KIAA1217: variants seen among roughly 807,000 people sequenced by gnomAD.
KIAA1217 encodes KIAA1217.
KIAA1217 carries 88 observed loss-of-function variants against 163.9 expected under a neutral mutation model. That is an observed-to-expected ratio of 0.54 (90% CI 0.45 to 0.64). The LOEUF (loss-of-function observed/expected upper bound fraction) is 0.64, where lower values mean the gene tolerates loss of function less well. KIAA1217 is among the 30% of genes least tolerant of loss of function. The pLI is 0.00. For missense variants in KIAA1217, 2,372 were observed against 2,475.0 expected (o/e 0.96, Z 0.88); for synonymous variants, 903 against 923.1 (o/e 0.98, Z 0.39).
chr10:23,895,995 G>A (rs1191147574), intron 1 of KIAA1217, among the ~76,000 whole-genome samples: 6 of 122,196 alleles, frequency 4.9e-5, no homozygotes. Context: ...ACTGTTGTGG[G>A]GTGGGGGGAG....
intron 2 of KIAA1217, among the ~76,000 whole-genome samples, chr10:24,221,309 G>A (rs2069615429): frequency 6.9e-6 from 1 of 145,374 alleles, no homozygotes; most frequent in Non-Finnish European, 1.5e-5. Context: ...TGACCTTTGT[G>A]TATGGAGAAT....
At chr10:24,492,455 G>A (rs574835612) in intron 6 of KIAA1217, among the ~76,000 whole-genome samples, 26 of 152,152 alleles carry the variant, frequency 1.7e-4, no homozygotes, top group Non-Finnish European at 3.5e-4. Flanking sequence ...CACACTCACC[G>A]TTTGAGATTT....
intron 2 of KIAA1217, among the ~76,000 whole-genome samples, chr10:24,031,851 G>A (rs953594361): frequency 6.6e-6 from 1 of 152,168 alleles, no homozygotes. Context: ...CCTTACTCAA[G>A]CTCCATCAAA....
At chr10:24,481,628 G>A (rs2064714559) in intron 6 of KIAA1217, 1 of 152,148 alleles carries the variant, frequency 6.6e-6, no homozygotes, top group East Asian at 1.9e-4. Context: ...TGGGCCAGCT[G>A]GAAATCCAAC....
intron 2 of KIAA1217, among the ~76,000 whole-genome samples, chr10:24,116,405 T>C (rs928321664): frequency 2.6e-5 from 4 of 152,096 alleles, no homozygotes; most frequent in African/African-American, 9.6e-5. Context: ...ATGCAGTCTC[T>C]GTCGTAAGCG....
chr10:24,350,195 A>G lies in KIAA1217; in HGVS notation c.355-30674A>G, dbSNP rs181585033. 3.9e-4 allele frequency among the ~76,000 whole-genome samples: 60 copies of G among 152,312 alleles called. No individual in the cohort carries two copies. The East Asian group carries it at 8.1e-3, about 21-fold the overall frequency. On this transcript the variant is annotated intron_variant, in intron 2 of 20. Transcript: ENST00000376454. ...CATAGAAGCCTCAGAAGCTGAAAGC[A>G]ATGTTATATTTTTATATGCTGCAGA...
intron 1 of KIAA1217, among the ~76,000 whole-genome samples, chr10:23,850,454 G>A (rs537944919): frequency 2.0e-5 from 3 of 152,030 alleles, no homozygotes; most frequent in Non-Finnish European, 4.4e-5. Flanking sequence ...AAAACCAGAT[G>A]CAGAAATGCA....
At chr10:24,259,779 G>A (rs1304902492) in intron 2 of KIAA1217, among the ~76,000 whole-genome samples, 1 of 152,154 alleles carries the variant, frequency 6.6e-6, no homozygotes, top group Non-Finnish European at 1.5e-5. Flanking sequence ...TGTCCTGTGG[G>A]ATCACTCCTC....
At chr10:24,264,301 G>C (rs1010299191) in intron 2 of KIAA1217, among the ~76,000 whole-genome samples, 3 of 152,126 alleles carry the variant, frequency 2.0e-5, no homozygotes, top group Non-Finnish European at 2.9e-5. Flanking sequence ...TCCTGGTTTT[G>C]TTGTATGTCT....
chr10:24,116,254 A>G (rs879707027), intron 2 of KIAA1217, among the ~76,000 whole-genome samples: 2 of 152,042 alleles, frequency 1.3e-5, no homozygotes, highest in Non-Finnish European at 2.9e-5. Context: ...AATTATGGTG[A>G]TACACCTCTG....
intron 1 of KIAA1217, among the ~76,000 whole-genome samples, chr10:23,937,781 T>C (rs1329722582): frequency 6.6e-6 from 1 of 151,918 alleles, no homozygotes; most frequent in Non-Finnish European, 1.5e-5. Flanking sequence ...CTGGTGAAAA[T>C]ATAAGAAATA....
intron 1 of KIAA1217, among the ~76,000 whole-genome samples, chr10:23,805,832 A>C (rs780574343): frequency 6.6e-6 from 1 of 151,664 alleles, no homozygotes; most frequent in Non-Finnish European, 1.5e-5. Flanking sequence ...TGGCAAACAT[A>C]GTGAAACCCC....
intron 8 of KIAA1217, among the ~76,000 whole-genome samples, chr10:24,499,381 G>A (rs1335845359): frequency 1.3e-5 from 2 of 152,206 alleles, no homozygotes; most frequent in Non-Finnish European, 2.9e-5. Flanking sequence ...AGGGGTGGAG[G>A]AACCACCAGA....
At chr10:24,180,089 G>A (rs1200404526) in intron 2 of KIAA1217, among the ~76,000 whole-genome samples, 1 of 151,924 alleles carries the variant, frequency 6.6e-6, no homozygotes, top group African/African-American at 2.4e-5. Flanking sequence ...CCTGCTTTTA[G>A]GCAAAAATAG....
intron 1 of KIAA1217, among the ~76,000 whole-genome samples, chr10:23,696,650 G>A (rs1836061422): frequency 6.6e-6 from 1 of 152,194 alleles, no homozygotes; most frequent in Non-Finnish European, 1.5e-5. Context: ...TACAGTCTGT[G>A]CTAGAAGTGG....
At chr10:23,706,239 G>A (rs373441683) in intron 1 of KIAA1217, among the ~76,000 whole-genome samples, 5 of 152,106 alleles carry the variant, frequency 3.3e-5, no homozygotes, top group African/African-American at 9.7e-5. Flanking sequence ...ATCTAGATGT[G>A]TTTTTCTACC....
intron 2 of KIAA1217, among the ~76,000 whole-genome samples, chr10:24,270,254 C>T (rs2131940683): frequency 6.6e-6 from 1 of 152,324 alleles, no homozygotes; most frequent in East Asian, 1.9e-4. Context: ...TGTCAAGAGT[C>T]AGTTTGGTCA....
At chr10:24,004,303 A>G (rs991131220) in intron 1 of KIAA1217, among the ~76,000 whole-genome samples, 5 of 152,104 alleles carry the variant, frequency 3.3e-5, no homozygotes, top group Admixed American at 6.6e-5. Context: ...ATTCAAAGAC[A>G]AGATTTTTCA....
intron 1 of KIAA1217, among the ~76,000 whole-genome samples, chr10:23,773,996 G>T (rs1409256972): frequency 6.6e-6 from 1 of 152,128 alleles, no homozygotes; most frequent in East Asian, 1.9e-4. Flanking sequence ...CCAACACTAT[G>T]TTGAATAGGA....
Sources: allele counts gnomAD v4.1 joint callset (sites outside exome capture counted in the v4.1 genomes callset), GRCh38; gene constraint gnomAD v4.1.1; transcripts MANE v1.5; gene names NCBI Gene and HGNC (gene_info 2026-07-23, HGNC 2026-07-21).